The following AGPAT3 variants were observed in gnomAD, a reference collection of about 807,000 sequenced individuals.
The protein encoded by AGPAT3 is 1-acyl-sn-glycerol-3-phosphate acyltransferase gamma.
In AGPAT3, 5 loss-of-function variants were observed where a neutral mutation model predicts 47.3. That is an observed-to-expected ratio of 0.11 (90% CI 0.06 to 0.22). AGPAT3 has a LOEUF of 0.22. Among genes scored for constraint, AGPAT3 ranks in the 10% least tolerant of loss-of-function variants. The pLI is 1.00. For synonymous variants in AGPAT3, 212 were observed against 208.3 expected (o/e 1.02, Z -0.15); for missense variants, 315 against 493.0 (o/e 0.64, Z 3.42).
At chr21:43,971,687 T>G (rs560036814) in intron 7 of AGPAT3, among the ~76,000 whole-genome samples, 197 bp downstream of exon 7, 20 of 152,136 alleles carry the variant, frequency 1.3e-4, no homozygotes, top group Non-Finnish European at 2.2e-4. Context: ...GTCCGGGGCT[T>G]GGGTTGCAGG....
chr21:43,970,615 T>A lies in AGPAT3; in HGVS notation c.511-38T>A. ...GGCCTGGACATGCACCCACCCCAGCTGCTCTGTGGAGTGACCCTGTCTCCG... is the reference window on the plus strand; with the variant it reads ...GGCCTGGACATGCACCCACCCCAGCAGCTCTGTGGAGTGACCCTGTCTCCG... On this transcript the variant is annotated intron_variant, in intron 5 of 9. Coordinates refer to ENST00000291572, the MANE Select transcript of AGPAT3 (RefSeq NM_020132.5). This position sits in a 1 kb window ranked among gnomAD's most constrained non-coding sequence, Gnocchi z 5.8. The A allele has an allele frequency of 6.2e-7, 1 of 1,608,372 alleles. No individual in the cohort carries two copies.
intron 1 of AGPAT3, among the ~76,000 whole-genome samples, chr21:43,885,355 T>G (rs2085951002): frequency 6.6e-6 from 1 of 152,192 alleles, no homozygotes; most frequent in African/African-American, 2.4e-5. Flanking sequence ...CAATTACAAT[T>G]TTTTTTCTAC....
chr21:43,931,593 G>A lies in AGPAT3; in HGVS notation c.-49+27574G>A, dbSNP rs566869588. On this transcript the variant is annotated intron_variant, in intron 2 of 9. Coordinates refer to ENST00000291572, the MANE Select transcript of AGPAT3 (RefSeq NM_020132.5). ...GTGGAGGTAAAAACCGAAGAGCGAC[G>A]TGGAGTAGGACGCCACATCGGCCCC... 9.9e-5 allele frequency among the ~76,000 whole-genome samples: 15 copies of A among 152,266 alleles called. No homozygotes were observed. The East Asian group carries it at 2.3e-3, about 24-fold the overall frequency.
rs1176723652 is a variant in AGPAT3 at position 43,986,013 on chromosome 21, T to TG, written c.*3625dup. 1 of 152,288 alleles carries TG rather than the reference T, an allele frequency of 6.6e-6. No individual in the cohort carries two copies. Among genetic ancestry groups the TG allele is most frequent in the Non-Finnish European group, 1.5e-5 (1 of 68,108 alleles). 9.4% of individuals were successfully genotyped at this position (152,288 alleles called of 1,614,324 possible). A position where few individuals can be genotyped will look rare whatever the true frequency, so the allele number is the denominator to read the frequency against. Reference sequence around the variant, plus strand: ...GCAAGCCCCCTCGGGCCTCGGGGGATGGGGCCGGCCACACCCCTGACTCCG... The same window carrying TG: ...GCAAGCCCCCTCGGGCCTCGGGGGATGGGGGCCGGCCACACCCCTGACTCCG... On this transcript the variant is annotated 3_prime_UTR_variant, in exon 10 of 10. Coordinates refer to ENST00000291572, the MANE Select transcript of AGPAT3 (RefSeq NM_020132.5).
intron 2 of AGPAT3, among the ~76,000 whole-genome samples, chr21:43,944,217 T>C (rs2087780674): frequency 6.6e-6 from 1 of 152,232 alleles, no homozygotes; most frequent in South Asian, 2.1e-4. Flanking sequence ...AAATGCAGGC[T>C]GAGTGGAGGC....
rs944680447 is a variant in AGPAT3, at chr21:43,982,583, C to T, written c.*191C>T. 2.8e-5 allele frequency: 14 copies of T among 508,902 alleles called. No homozygotes were observed. Among genetic ancestry groups the T allele is most frequent in the African/African-American group, 5.9e-5 (3 of 51,004 alleles). The allele number at this position is 508,902 out of a possible 1,614,324, so 31.5% of individuals were successfully genotyped here. ...AGGTGAAGTCTTCAGCCTCCCACAG[C>T]GCAGGGTCCCAGCATCTCCACGCGC... On this transcript the variant is annotated 3_prime_UTR_variant, in exon 10 of 10. Transcript: ENST00000291572. This position sits in a 1 kb window ranked among gnomAD's most constrained non-coding sequence, Gnocchi z 6.2.
chr21:43,877,754 T>C (rs1401580620), intron 1 of AGPAT3, among the ~76,000 whole-genome samples: 2 of 152,210 alleles, frequency 1.3e-5, no homozygotes, highest in African/African-American at 2.4e-5. Context: ...GAAATGGTGC[T>C]ATTCTTGGGA....
intron 1 of AGPAT3, among the ~76,000 whole-genome samples, chr21:43,872,150 T>C (rs1017844834): frequency 1.3e-5 from 2 of 152,112 alleles, no homozygotes; most frequent in African/African-American, 4.8e-5. Flanking sequence ...CAGGTGCCCT[T>C]ATTATTGTTC....
At chr21:43,874,065 T>C (rs777467074) in intron 1 of AGPAT3, among the ~76,000 whole-genome samples, 8 of 152,254 alleles carry the variant, frequency 5.3e-5, no homozygotes, top group Non-Finnish European at 1.2e-4. Context: ...AGACAGAGTC[T>C]CCCTCTGTCA....
At position 43,982,653 on chromosome 21, in the gene AGPAT3, C is replaced by A; in HGVS notation, c.*261C>A. On this transcript the variant is annotated 3_prime_UTR_variant, in exon 10 of 10. Transcript: ENST00000291572. The surrounding 1 kb of genome is among the most constrained non-coding windows in gnomAD (Gnocchi z 6.2). ...GGCCGGAGAGGCCTCCCGCGGACGCCGTCTCTCCAGAACTCCGCTTCCAAG... is the reference window on the plus strand; with the variant it reads ...GGCCGGAGAGGCCTCCCGCGGACGCAGTCTCTCCAGAACTCCGCTTCCAAG... The A allele has an allele frequency of 3.2e-6, 1 of 315,094 alleles. No homozygotes were observed. The highest frequency in any genetic ancestry group is 5.9e-6 in the Non-Finnish European group (1 of 170,052). 19.5% of individuals were successfully genotyped at this position (315,094 alleles called of 1,614,324 possible).
chr21:43,920,741 C>T lies in AGPAT3; in HGVS notation c.-49+16722C>T, dbSNP rs1345190917. Among the ~76,000 whole-genome samples, 3 of 152,146 alleles carry T rather than the reference C, an allele frequency of 2.0e-5. No individual in the cohort carries two copies. The highest frequency in any genetic ancestry group is 7.2e-5 in the African/African-American group (3 of 41,428). The stretch of plus-strand genomic sequence containing the variant: ...GGGGAGGTTCCCGGAGGGTGGAGCC[C>T]TGGGGAGGGTACAGCAGCTCCGAGC... On this transcript the variant is annotated intron_variant, in intron 2 of 9. Transcript: ENST00000291572. The surrounding 1 kb of genome is among the most constrained non-coding windows in gnomAD (Gnocchi z 6.1).
chr21:43,973,775 T>C (rs1326860987), intron 7 of AGPAT3, among the ~76,000 whole-genome samples: 1 of 152,114 alleles, frequency 6.6e-6, no homozygotes, highest in Non-Finnish European at 1.5e-5. Flanking sequence ...TGGCCCTCTT[T>C]CCTCCTGCTT....
Position 43,930,196 on chromosome 21 carries a change from C to T in AGPAT3, c.-49+26177C>T, listed in dbSNP as rs1019209338. ...GGCAGAGAGAAGTTGGGTTCCCCTT[C>T]CACGGTTCCCTGCCCCCGGGGACAC... On this transcript the variant is annotated intron_variant, in intron 2 of 9. Coordinates refer to ENST00000291572, the MANE Select transcript of AGPAT3 (RefSeq NM_020132.5). The surrounding 1 kb of genome is among the most constrained non-coding windows in gnomAD (Gnocchi z 5.0). Among the ~76,000 whole-genome samples, 4 of 152,208 alleles carry T rather than the reference C, an allele frequency of 2.6e-5. No individual in the cohort carries two copies. Among genetic ancestry groups the T allele is most frequent in the African/African-American group, 7.2e-5 (3 of 41,448 alleles).
chr21:43,971,579 G>A, intron 7 of AGPAT3, 89 bp downstream of exon 7: 1 of 1,248,896 alleles, frequency 8.0e-7, no homozygotes, highest in Non-Finnish European at 1.2e-6. Flanking sequence ...CTGGGTCCAG[G>A]CCCCACGTCC....
At chr21:43,892,158 T>C (rs2086115022) in intron 1 of AGPAT3, among the ~76,000 whole-genome samples, 2 of 151,842 alleles carry the variant, frequency 1.3e-5, no homozygotes, top group South Asian at 4.2e-4. Context: ...AATACAAAAA[T>C]TACCCAGGCG....
In AGPAT3 at chr21:43,971,903, A is replaced by G. The variant is rs748428683; in HGVS notation, c.767+413A>G. Among the ~76,000 whole-genome samples the G allele has an allele frequency of 3.3e-5, 5 of 152,220 alleles. No individual in the cohort carries two copies. In the South Asian group the frequency reaches 8.3e-4, roughly 25 times the overall value. ...TTTGTCTCAAACCCCACTGGGCTCCATAAGTCTCCTGGGGCCCACAGTCAC... is the reference window on the plus strand; with the variant it reads ...TTTGTCTCAAACCCCACTGGGCTCCGTAAGTCTCCTGGGGCCCACAGTCAC... On this transcript the variant is annotated intron_variant, in intron 7 of 9. Coordinates refer to ENST00000291572, the MANE Select transcript of AGPAT3 (RefSeq NM_020132.5).
chr21:43,888,090 G>C (rs1470630237), intron 1 of AGPAT3, among the ~76,000 whole-genome samples: 1 of 151,986 alleles, frequency 6.6e-6, no homozygotes, highest in Non-Finnish European at 1.5e-5. Context: ...ACCTGTATTG[G>C]AGTGCAGTGG....
At chr21:43,915,285 C>G (rs1324862180) in intron 2 of AGPAT3, among the ~76,000 whole-genome samples, 1 of 151,696 alleles carries the variant, frequency 6.6e-6, no homozygotes, top group African/African-American at 2.4e-5. Flanking sequence ...CTCCTGAGCT[C>G]AAGCAGTCCG....
chr21:43,958,549 GGT>G (rs573845202), intron 2 of AGPAT3, among the ~76,000 whole-genome samples: 43 of 151,730 alleles, frequency 2.8e-4, no homozygotes, highest in African/African-American at 8.7e-4. Context: ...TGTGGTTTGT[GGT>G]GTGTGTGGTG....
Sources: allele counts gnomAD v4.1 joint callset (sites outside exome capture counted in the v4.1 genomes callset), GRCh38; gene constraint gnomAD v4.1.1; non-coding constraint Gnocchi (gnomAD v3.1); transcripts MANE v1.5; gene names NCBI Gene and HGNC (gene_info 2026-07-23, HGNC 2026-07-21).